SH3YL1: variants seen among roughly 807,000 people sequenced by gnomAD.
SH3YL1 encodes SH3 domain-containing YSC84-like protein 1.
SH3YL1 carries 41 observed loss-of-function variants against 45.8 expected under a neutral mutation model. The observed-to-expected ratio is 0.89, with a 90% CI of 0.70 to 1.16. The LOEUF is 1.16. Ranked by LOEUF, SH3YL1 falls within the 50% of genes most tolerant of loss-of-function variation. The pLI is 0.00. For synonymous variants in SH3YL1, 152 were observed against 151.4 expected (o/e 1.00, Z -0.03); for missense variants, 389 against 409.6 (o/e 0.95, Z 0.43).
Position 218,788 on chromosome 2 carries a change from C to CA in SH3YL1, c.*22dup. 6.6e-7 allele frequency: 1 copy of CA among 1,516,302 alleles called. No individual in the cohort carries two copies. Among genetic ancestry groups the CA allele is most frequent in the Non-Finnish European group, 8.9e-7 (1 of 1,126,782 alleles). The allele number at this position is 1,516,302 out of a possible 1,614,324, so 93.9% of individuals were successfully genotyped here. On this transcript the variant is annotated 3_prime_UTR_variant, in exon 10 of 10. Coordinates refer to ENST00000356150, the MANE Select transcript of SH3YL1 (RefSeq NM_015677.4). ...GTAGAAATAATTTTTTTGTAATTCT[C>CA]AAAGAAGAAAATAGTATACGCTTTA...
intron 2 of SH3YL1, among the ~76,000 whole-genome samples, chr2:252,356 A>C (rs1669105030): frequency 6.6e-6 from 1 of 152,216 alleles, no homozygotes; most frequent in Non-Finnish European, 1.5e-5. Context: ...TAGCTTGCAG[A>C]GTTCTTAGCA....
At chr2:242,703 A>G (rs1417121845) in intron 4 of SH3YL1, 1 of 1,378,858 alleles carries the variant, frequency 7.3e-7, no homozygotes, top group African/African-American at 1.5e-5. Context: ...ATAAAAAGGC[A>G]GAGATTATTA....
intron 9 of SH3YL1, chr2:222,761 G>C (rs1667630406): frequency 6.6e-6 from 1 of 152,238 alleles, no homozygotes; most frequent in Middle Eastern, 3.2e-3. Flanking sequence ...TGATGTAGCT[G>C]ATCATCACAC....
chr2:257,444 G>T (rs772277073), intron 1 of SH3YL1, among the ~76,000 whole-genome samples: 12 of 152,158 alleles, frequency 7.9e-5, no homozygotes, highest in Non-Finnish European at 1.3e-4. Context: ...TAGATGAACT[G>T]CCACCTAACT....
In SH3YL1 at chr2:218,690, A is replaced by G; in HGVS notation, c.*121T>C. 1 of 823,372 alleles carries G rather than the reference A, an allele frequency of 1.2e-6. No individual in the cohort carries two copies. Among genetic ancestry groups the G allele is most frequent in the East Asian group, 2.7e-5 (1 of 36,636 alleles). The allele number at this position is 823,372 out of a possible 1,614,324, so 51.0% of individuals were successfully genotyped here. A position where few individuals can be genotyped will look rare whatever the true frequency, so the allele number is the denominator to read the frequency against. On this transcript the variant is annotated 3_prime_UTR_variant, in exon 10 of 10. Coordinates refer to ENST00000356150, the MANE Select transcript of SH3YL1 (RefSeq NM_015677.4). ...GAAAAACAAAATCTTTTACATACGG[A>G]ATGGAAATTTTGTAGAACAGAAGTT... is the stretch of plus-strand genomic sequence containing the variant.
chr2:260,080 C>T (rs1478247863), intron 1 of SH3YL1: 3 of 152,078 alleles, frequency 2.0e-5, no homozygotes, highest in Non-Finnish European at 4.4e-5. Context: ...AACATTAATA[C>T]TCACCAATAC....
chr2:258,497 T>A (rs903428191), intron 1 of SH3YL1, among the ~76,000 whole-genome samples: 1 of 152,368 alleles, frequency 6.6e-6, no homozygotes, highest in Non-Finnish European at 1.5e-5. Context: ...TATGTTTTCC[T>A]GTTTTTACTC....
chr2:260,640 A>T (rs963834303), intron 1 of SH3YL1: 4 of 152,254 alleles, frequency 2.6e-5, no homozygotes, highest in Non-Finnish European at 5.9e-5. Context: ...GGCTCTGCAA[A>T]GCCAGACTGA....
At chr2:262,745 T>C in intron 1 of SH3YL1, 1 of 1,212,062 alleles carries the variant, frequency 8.3e-7, no homozygotes, top group African/African-American at 1.6e-5. Flanking sequence ...TGCCAGATCC[T>C]TATTTCTGCG....
At chr2:236,750 CTCAAG>C (rs1398492103) in intron 4 of SH3YL1, among the ~76,000 whole-genome samples, 1 of 152,132 alleles carries the variant, frequency 6.6e-6, no homozygotes, top group Non-Finnish European at 1.5e-5. Flanking sequence ...AATCAATGCT[CTCAAG>C]TCAACATTTT....
intron 3 of SH3YL1, among the ~76,000 whole-genome samples, chr2:248,466 T>TG (rs1282965217): frequency 1.3e-5 from 2 of 152,196 alleles, no homozygotes; most frequent in East Asian, 3.8e-4. Context: ...TTAAGATGGC[T>TG]GGTCTTGGCC....
chr2:246,592 G>A (rs1668822115), intron 4 of SH3YL1, among the ~76,000 whole-genome samples: 2 of 150,964 alleles, frequency 1.3e-5, no homozygotes. Flanking sequence ...GTGGAGGTGG[G>A]GAAAGGGGAA....
chr2:258,079 G>A (rs557473630), intron 1 of SH3YL1, among the ~76,000 whole-genome samples: 1 of 152,254 alleles, frequency 6.6e-6, no homozygotes, highest in African/African-American at 2.4e-5. Context: ...TTTGAAGTCG[G>A]GTAGCATGAT....
intron 1 of SH3YL1, among the ~76,000 whole-genome samples, chr2:257,733 A>G (rs143570693): frequency 0.02 from 3,074 of 152,296 alleles, 41 homozygotes; most frequent in Middle Eastern, 0.041. Flanking sequence ...CCCGACTTGC[A>G]TATCATTCAT....
intron 4 of SH3YL1, among the ~76,000 whole-genome samples, chr2:243,716 G>A (rs1668648864): frequency 6.6e-6 from 1 of 152,116 alleles, no homozygotes; most frequent in Admixed American, 6.5e-5. Flanking sequence ...AAGAACATTT[G>A]CTCAGTATAT....
At position 233,175 on chromosome 2, in the gene SH3YL1, GCAGTA is replaced by G; in HGVS notation, c.454_458del (p.Tyr152GlnfsTer18). On this transcript the variant is annotated frameshift_variant, in exon 6 of 10. Transcript: ENST00000356150. LOFTEE classifies it high-confidence loss of function. ...CGCCTGCAAAGAGTCCCCTTGACTT[GCAGTA>G]CGTGAAGACGGCAGCGGAGCTTCTC... 1.3e-6 allele frequency: 2 copies of G among 1,595,666 alleles called. No individual in the cohort carries two copies. The highest frequency in any genetic ancestry group is 1.3e-5 in the African/African-American group (1 of 74,502).
At chr2:245,313 T>TA (rs1326265766) in intron 4 of SH3YL1, among the ~76,000 whole-genome samples, 1 of 152,162 alleles carries the variant, frequency 6.6e-6, no homozygotes, top group African/African-American at 2.4e-5. Flanking sequence ...AATTGACATT[T>TA]AAAAGTTAAT....
chr2:221,064 C>T (rs1233687006), intron 9 of SH3YL1, among the ~76,000 whole-genome samples: 2 of 151,826 alleles, frequency 1.3e-5, no homozygotes, highest in Non-Finnish European at 2.9e-5. Flanking sequence ...CTTACACCGC[C>T]CACTGCAATG....
chr2:261,400 T>C (rs2103062344), intron 1 of SH3YL1: 1 of 152,342 alleles, frequency 6.6e-6, no homozygotes, highest in South Asian at 2.1e-4. Flanking sequence ...TCTCTATAAA[T>C]ATTTAAGTTT....
Sources: allele counts gnomAD v4.1 joint callset (sites outside exome capture counted in the v4.1 genomes callset), GRCh38; gene constraint gnomAD v4.1.1; transcripts MANE v1.5; gene names NCBI Gene and HGNC (gene_info 2026-07-23, HGNC 2026-07-21).